SMARCA2: variants seen among roughly 807,000 people sequenced by gnomAD.
The protein encoded by SMARCA2 is SWI/SNF related BAF chromatin remodeling complex subunit ATPase 2.
A neutral mutation model predicts 199.8 loss-of-function variants in SMARCA2; 61 were observed. The ratio of observed to expected loss-of-function variants is 0.31; its 90% confidence interval spans 0.25 to 0.38. SMARCA2 has a LOEUF of 0.38. Ranked by LOEUF, SMARCA2 falls within the 10% of genes least tolerant of loss-of-function variation. The pLI, the probability that SMARCA2 is intolerant of heterozygous loss-of-function variation, is 1.00. For missense variants in SMARCA2, 1,344 were observed against 2,012.2 expected, an observed-to-expected ratio of 0.67 and a Z score of 6.35; for synonymous variants, 935 against 732.0, an observed-to-expected ratio of 1.28 and a Z score of -4.48.
At chr9:2,015,612 G>A (rs1455640527) in intron 1 of SMARCA2, among the ~76,000 whole-genome samples, 2 of 152,184 alleles carry the variant, frequency 1.3e-5, no homozygotes. Context: ...TCCTCCCCGC[G>A]GGCCTCAGGT....
chr9:2,097,853 T>C (rs771704876), intron 21 of SMARCA2, among the ~76,000 whole-genome samples: 8 of 152,240 alleles, frequency 5.3e-5, no homozygotes, highest in Non-Finnish European at 1.2e-4. Flanking sequence ...GTGAAAAATA[T>C]TAAAATAATG....
intron 28 of SMARCA2, among the ~76,000 whole-genome samples, chr9:2,166,833 A>G (rs932573372): frequency 5.3e-5 from 8 of 152,326 alleles, no homozygotes; most frequent in Non-Finnish European, 8.8e-5. Flanking sequence ...ATCCTTTCTC[A>G]GCATTTTCAA....
chr9:2,167,884 C>A (rs942886745), intron 28 of SMARCA2, among the ~76,000 whole-genome samples: 1 of 151,896 alleles, frequency 6.6e-6, no homozygotes, highest in African/African-American at 2.4e-5. Flanking sequence ...TGGGATATTA[C>A]TGAAGAGGTA....
chr9:2,149,363 A>T (rs755753431), intron 27 of SMARCA2, among the ~76,000 whole-genome samples: 7 of 150,676 alleles, frequency 4.6e-5, no homozygotes, highest in African/African-American at 7.3e-5. Context: ...ACAAAAATAT[A>T]AAAAAAATTA....
chr9:2,149,092 T>G (rs1362421761), intron 27 of SMARCA2, among the ~76,000 whole-genome samples: 1 of 151,108 alleles, frequency 6.6e-6, no homozygotes, highest in Non-Finnish European at 1.5e-5. Flanking sequence ...AAGACATACC[T>G]GAGACTGGGA....
At chr9:2,031,001 A>G (rs1348690954) in intron 2 of SMARCA2, among the ~76,000 whole-genome samples, 2 of 152,248 alleles carry the variant, frequency 1.3e-5, no homozygotes, top group African/African-American at 4.8e-5. Flanking sequence ...CACCCCAAGT[A>G]ACAGCTTGTT....
At chr9:2,075,598 A>C (rs1821288098) in intron 12 of SMARCA2, among the ~76,000 whole-genome samples, 1 of 152,242 alleles carries the variant, frequency 6.6e-6, no homozygotes, top group South Asian at 2.1e-4. Context: ...TACAGTGGAC[A>C]TATATGGGGC....
At chr9:2,105,814 C>T (rs969344606) in intron 23 of SMARCA2, among the ~76,000 whole-genome samples, 2 of 152,186 alleles carry the variant, frequency 1.3e-5, no homozygotes, top group African/African-American at 4.8e-5. Flanking sequence ...CCTGAACTGA[C>T]AGCCCCACAC....
chr9:2,048,125 CAAT>C (rs1819957895), intron 5 of SMARCA2, among the ~76,000 whole-genome samples: 1 of 152,138 alleles, frequency 6.6e-6, no homozygotes, highest in Admixed American at 6.5e-5. Flanking sequence ...CAGCTGCAGA[CAAT>C]AATGGGCTGG....
rs141291951 is a variant in SMARCA2, at chr9:2,123,850, A to C, written c.3894A>C (p.Glu1298Asp). The change falls in exon 27 of 34, where the codon GAA becomes GAC. Residue 1298 changes from glutamate to aspartate, a missense_variant. Glu to Asp is a conservative substitution (Grantham distance 45). Coordinates refer to ENST00000349721, the MANE Select transcript of SMARCA2 (RefSeq NM_003070.5). The surrounding 1 kb of genome is among the most constrained non-coding windows in gnomAD (Gnocchi z 4.1). ...DAEVERLTCE[E>D]EEEKIFGRGS... ...AAGTAGAAAGGCTCACCTGTGAAGAAGAGGAGGAGAAAATATTTGGGAGGG... is the reference window on the plus strand; with the variant it reads ...AAGTAGAAAGGCTCACCTGTGAAGACGAGGAGGAGAAAATATTTGGGAGGG... 1 of 1,610,488 alleles carries C rather than the reference A, an allele frequency of 6.2e-7. No homozygotes were observed. The highest frequency in any genetic ancestry group is 8.5e-7 in the Non-Finnish European group (1 of 1,178,548).
chr9:2,062,260 A>G (rs1005151086), intron 9 of SMARCA2, among the ~76,000 whole-genome samples: 1 of 152,194 alleles, frequency 6.6e-6, no homozygotes, highest in Non-Finnish European at 1.5e-5. Flanking sequence ...TATTGATAGC[A>G]GAGAGAGAGA....
chr9:2,181,698 T>C (rs773102761), intron 30 of SMARCA2, 22 bp downstream of exon 30: 10 of 1,181,078 alleles, frequency 8.5e-6, no homozygotes, highest in Middle Eastern at 2.0e-4. Context: ...GTTTACCAAC[T>C]TTATTCTTCA....
chr9:2,024,456 C>T (rs1818738871), intron 1 of SMARCA2, among the ~76,000 whole-genome samples: 1 of 152,088 alleles, frequency 6.6e-6, no homozygotes, highest in Non-Finnish European at 1.5e-5. Flanking sequence ...TTTTGTACCG[C>T]CTGCATGCCT....
intron 23 of SMARCA2, among the ~76,000 whole-genome samples, chr9:2,105,014 A>G (rs1184827835): frequency 6.6e-6 from 1 of 152,196 alleles, no homozygotes; most frequent in Admixed American, 6.5e-5. Flanking sequence ...TACTATTGTT[A>G]AATGGGAAAC....
intron 3 of SMARCA2, among the ~76,000 whole-genome samples, chr9:2,038,762 T>G (rs1819445117): frequency 6.6e-6 from 1 of 152,128 alleles, no homozygotes. Flanking sequence ...TACTCAATCC[T>G]TAAATAAGAC....
intron 27 of SMARCA2, among the ~76,000 whole-genome samples, chr9:2,141,785 C>G (rs568330008): frequency 2.0e-5 from 3 of 152,250 alleles, no homozygotes; most frequent in African/African-American, 7.2e-5. Context: ...AACTATAGGA[C>G]TATGGGAGTT....
intron 31 of SMARCA2, among the ~76,000 whole-genome samples, chr9:2,184,935 C>G (rs928332254): frequency 6.6e-6 from 1 of 151,764 alleles, no homozygotes; most frequent in Non-Finnish European, 1.5e-5. Context: ...TGCAATTTGC[C>G]CAGTCACTTT....
chr9:2,054,314 G>C (rs1820252847), intron 5 of SMARCA2, among the ~76,000 whole-genome samples: 1 of 152,180 alleles, frequency 6.6e-6, no homozygotes, highest in African/African-American at 2.4e-5. Context: ...AAGGACATTT[G>C]ACTTCCCCAC....
At chr9:2,179,678 GTTAAAA>G (rs1490683974) in intron 29 of SMARCA2, among the ~76,000 whole-genome samples, 7 of 152,290 alleles carry the variant, frequency 4.6e-5, no homozygotes, top group South Asian at 2.1e-4. Context: ...CAGTAGCACA[GTTAAAA>G]TTAAGAGTGT....
Sources: allele counts gnomAD v4.1 joint callset (sites outside exome capture counted in the v4.1 genomes callset), GRCh38; gene constraint gnomAD v4.1.1; non-coding constraint Gnocchi (gnomAD v3.1); transcripts MANE v1.5; gene names NCBI Gene and HGNC (gene_info 2026-07-23, HGNC 2026-07-21).